Variants in DLG2 observed in about 807,000 individuals in gnomAD.
DLG2 encodes the protein disks large homolog 2.
In DLG2, 45 loss-of-function variants were observed where a neutral mutation model predicts 132.5. That is an observed-to-expected ratio of 0.34 (90% CI 0.27 to 0.44). DLG2 has a LOEUF of 0.44. DLG2 is among the 20% of genes least tolerant of loss of function. The probability of loss-of-function intolerance (pLI) is 1.00; values close to 1 mark genes in which losing one functional copy is unlikely to be tolerated. For missense variants in DLG2, 1,045 were observed against 1,196.9 expected (o/e 0.87, Z 1.87); for synonymous variants, 424 against 419.6 (o/e 1.01, Z -0.13).
At chr11:85,289,496 G>A (rs1249670376) in intron 3 of DLG2, among the ~76,000 whole-genome samples, 3 of 152,242 alleles carry the variant, frequency 2.0e-5, no homozygotes, top group South Asian at 2.1e-4. Flanking sequence ...CTAAAACTGG[G>A]TTCAATTGAG....
At chr11:85,523,472 C>A (rs993837320) in intron 3 of DLG2, among the ~76,000 whole-genome samples, 3 of 152,094 alleles carry the variant, frequency 2.0e-5, no homozygotes, top group African/African-American at 4.8e-5. Flanking sequence ...CAAACAAGTA[C>A]ATGAAAAGGT....
At chr11:84,219,560 G>C (rs1248025425) in intron 8 of DLG2, among the ~76,000 whole-genome samples, 1 of 152,036 alleles carries the variant, frequency 6.6e-6, no homozygotes, top group African/African-American at 2.4e-5. Flanking sequence ...AAATTATTAG[G>C]GAAAAAGAAA....
chr11:83,890,441 T>G (rs145242055), intron 15 of DLG2, among the ~76,000 whole-genome samples: 3 of 152,300 alleles, frequency 2.0e-5, no homozygotes, highest in Non-Finnish European at 4.4e-5. Context: ...TTGTTTTGAT[T>G]TTTCCTTCCA....
chr11:85,400,448 T>C (rs1250531526), intron 3 of DLG2, among the ~76,000 whole-genome samples: 28 of 147,580 alleles, frequency 1.9e-4, no homozygotes, highest in Non-Finnish European at 3.3e-4. Context: ...ACCCAAAGGA[T>C]TATAAATCAT....
At chr11:84,702,797 C>T (rs754032243) in intron 6 of DLG2, among the ~76,000 whole-genome samples, 1 of 151,638 alleles carries the variant, frequency 6.6e-6, no homozygotes, top group Non-Finnish European at 1.5e-5. Flanking sequence ...GTCTCTTCCA[C>T]TATACTATAA....
chr11:83,669,516 C>G lies in DLG2; in HGVS notation c.1826-36191G>C, dbSNP rs74806472. On this transcript the variant is annotated intron_variant, in intron 18 of 27. Coordinates refer to ENST00000376104, the MANE Select transcript of DLG2 (RefSeq NM_001142699.3). Reference sequence around the variant, plus strand: ...AAGGCTCACAAAAGAATACAACCCTCTTATAAACAGAAGGATCCCTTGACC... The same window carrying G: ...AAGGCTCACAAAAGAATACAACCCTGTTATAAACAGAAGGATCCCTTGACC... Among the ~76,000 whole-genome samples the G allele has an allele frequency of 7.3e-3, 1,112 of 152,280 alleles. 9 individuals carry two copies. Among genetic ancestry groups the G allele is most frequent in the African/African-American group, 0.025 (1,041 of 41,554 alleles).
At chr11:85,301,819 T>A (rs1269249349) in intron 3 of DLG2, among the ~76,000 whole-genome samples, 1 of 152,190 alleles carries the variant, frequency 6.6e-6, no homozygotes, top group Non-Finnish European at 1.5e-5. Context: ...GATGCATAAC[T>A]AGCAGCTGCC....
intron 4 of DLG2, among the ~76,000 whole-genome samples, chr11:85,272,367 AGATT>A (rs977710491): frequency 4.6e-5 from 7 of 152,198 alleles, no homozygotes; most frequent in African/African-American, 1.7e-4. Flanking sequence ...TAATACACAT[AGATT>A]GATTGATTTT....
chr11:84,993,065 C>T lies in DLG2; in HGVS notation c.357+118596G>A, dbSNP rs536461102. 2.6e-5 allele frequency among the ~76,000 whole-genome samples: 4 copies of T among 152,264 alleles called. No homozygotes were observed. The East Asian group carries it at 7.7e-4, about 29-fold the overall frequency. ...GATAGACTGGATAAAGCAAATGTGG[C>T]ACATATATACCATGGAATACTATGC... On this transcript the variant is annotated intron_variant, in intron 6 of 27. Transcript: ENST00000376104.
At chr11:85,022,728 C>A (rs2154140802) in intron 6 of DLG2, among the ~76,000 whole-genome samples, 1 of 152,146 alleles carries the variant, frequency 6.6e-6, no homozygotes, top group South Asian at 2.1e-4. Context: ...ATATTCACTA[C>A]CTTTGAGGAA....
At chr11:83,502,694 G>C (rs2094498101) in intron 21 of DLG2, among the ~76,000 whole-genome samples, 1 of 151,954 alleles carries the variant, frequency 6.6e-6, no homozygotes, top group Non-Finnish European at 1.5e-5. Context: ...TTTACTGGCT[G>C]GTCTTACATA....
intron 7 of DLG2, among the ~76,000 whole-genome samples, chr11:84,513,618 A>C (rs1336492966): frequency 2.6e-5 from 4 of 152,118 alleles, no homozygotes; most frequent in Admixed American, 1.3e-4. Context: ...TGTTGGGAAA[A>C]CTGGATATCC....
At chr11:83,666,865 A>T (rs773824764) in intron 18 of DLG2, among the ~76,000 whole-genome samples, 1 of 152,016 alleles carries the variant, frequency 6.6e-6, no homozygotes, top group Non-Finnish European at 1.5e-5. Context: ...TTCTCATCCA[A>T]CCTCTAAATA....
chr11:83,857,273 T>C (rs1373707874), intron 16 of DLG2, among the ~76,000 whole-genome samples: 1 of 152,218 alleles, frequency 6.6e-6, no homozygotes, highest in Admixed American at 6.5e-5. Flanking sequence ...TTTGTTCCTT[T>C]TGCTTATGAT....
chr11:83,968,012 C>T (rs921767756), intron 12 of DLG2, among the ~76,000 whole-genome samples: 1 of 152,112 alleles, frequency 6.6e-6, no homozygotes, highest in African/African-American at 2.4e-5. Flanking sequence ...TTTGTCAAAA[C>T]TTAGTTGACC....
At position 84,942,982 on chromosome 11, in the gene DLG2, G is replaced by A. The variant is rs368527077; in HGVS notation, c.357+168679C>T. ...TTATCATTATATAATGACGTTCTTT[G>A]TCTCTTTATATAGTTTTTGTCTTCA... On this transcript the variant is annotated intron_variant, in intron 6 of 27. Transcript: ENST00000376104. Among the ~76,000 whole-genome samples, 13 of 152,008 alleles carry A rather than the reference G, an allele frequency of 8.6e-5. No homozygotes were observed. The East Asian group carries it at 1.5e-3, about 18-fold the overall frequency.
At chr11:83,475,405 C>T (rs2092509344) in intron 22 of DLG2, among the ~76,000 whole-genome samples, 1 of 152,042 alleles carries the variant, frequency 6.6e-6, no homozygotes, top group African/African-American at 2.4e-5. Flanking sequence ...CTGATGATCC[C>T]CATTTTACAG....
intron 18 of DLG2, among the ~76,000 whole-genome samples, chr11:83,663,907 T>C (rs548057998): frequency 1.3e-5 from 2 of 152,210 alleles, no homozygotes; most frequent in South Asian, 4.1e-4. Context: ...AAACTATTAA[T>C]CTGCCTTCAT....
At chr11:84,817,076 A>G (rs1314215791) in intron 6 of DLG2, among the ~76,000 whole-genome samples, 4 of 152,014 alleles carry the variant, frequency 2.6e-5, no homozygotes, top group African/African-American at 7.2e-5. Context: ...TAAACTGTAA[A>G]GCACCATGCA....
Sources: allele counts gnomAD v4.1 joint callset (sites outside exome capture counted in the v4.1 genomes callset), GRCh38; gene constraint gnomAD v4.1.1; transcripts MANE v1.5; gene names NCBI Gene and HGNC (gene_info 2026-07-23, HGNC 2026-07-21).